Variants in FCSK observed in about 807,000 individuals in gnomAD.
FCSK encodes fucose kinase.
A neutral mutation model predicts 122.5 loss-of-function variants in FCSK; 123 were observed. The ratio of observed to expected loss-of-function variants is 1.00; its 90% CI spans 0.87 to 1.17. The LOEUF (loss-of-function observed/expected upper bound fraction) is 1.17. Among genes scored for constraint, FCSK ranks in the 50% most tolerant of loss-of-function variants. The pLI is 0.00. For synonymous variants in FCSK, 620 were observed against 625.5 expected (o/e 0.99, Z 0.13); for missense variants, 1,366 against 1,450.4 (o/e 0.94, Z 0.95).
rs1400607861 is a variant in FCSK at position 70,467,298 on chromosome 16, C to G, written c.485-76C>G. On this transcript the variant is annotated intron_variant, in intron 6 of 23. Coordinates refer to ENST00000288078, the MANE Select transcript of FCSK (RefSeq NM_145059.3). ...TGCCCAGGTGCCGCAGCCCTGGGCT[C>G]TTGCTTCCACCTGGTGGGGAAATCC... is the stretch of plus-strand genomic sequence containing the variant. The G allele has an allele frequency of 6.5e-6, 7 of 1,071,610 alleles. No homozygotes were observed. The East Asian group carries it at 1.8e-4, about 28-fold the overall frequency. The allele number at this position is 1,071,610 out of a possible 1,614,324, so 66.4% of individuals were successfully genotyped here.
intron 10 of FCSK, among the ~76,000 whole-genome samples, chr16:70,469,613 G>C (rs1319410756): frequency 6.6e-6 from 1 of 152,128 alleles, no homozygotes; most frequent in Non-Finnish European, 1.5e-5. Flanking sequence ...GAGTGAGGTG[G>C]TGCGATCTCA....
At chr16:70,468,762 G>A (rs908949591) in intron 8 of FCSK, 87 bp from the exon 9 acceptor site, 2 of 1,528,614 alleles carry the variant, frequency 1.3e-6, no homozygotes, top group African/African-American at 2.7e-5. Flanking sequence ...TCAGCTTCAT[G>A]TGGCCCATCT....
At position 70,466,905 on chromosome 16, in the gene FCSK, C is replaced by T. The variant is rs771188492; in HGVS notation, c.435C>T (p.Gly145=). The T allele has an allele frequency of 8.1e-6, 13 of 1,613,724 alleles. No homozygotes were observed. The highest frequency in any genetic ancestry group is 6.6e-5 in the South Asian group (6 of 91,084). The change falls in exon 6 of 24, where the codon GGC becomes GGT. Residue 145 remains glycine, a synonymous_variant. Transcript: ENST00000288078. ...TYRLGPGSPP[G]VWVCSTDMLL... ...AGCTGGGCCCGGGCTCCCCGCCAGG[C>T]GTGTGGGTCTGCAGCACCGACATGC...
rs200559563 is a variant in FCSK, at chr16:70,471,310, G to A, written c.1299G>A (p.Pro433=). 117 of 1,600,618 alleles carry A rather than the reference G, an allele frequency of 7.3e-5. No homozygotes were observed. The highest frequency in any genetic ancestry group is 5.0e-4 in the Middle Eastern group (3 of 6,022). ...QGHHTRLHGS[P]GHAFTLVGRL... ...ACCACACGCGGCTACACGGCTCCCC[G>A]GGCCACGCCTTCACCCTCGTTGGCC... The change falls in exon 13 of 24, where the codon CCG becomes CCA. Residue 433 remains proline, a synonymous_variant. Transcript: ENST00000288078.
In FCSK at chr16:70,475,703, C is replaced by A; in HGVS notation, c.2577C>A (p.Gly859=). The stretch of plus-strand genomic sequence containing the variant: ...TGGCTGCCTTGCAGCGAGCCGCAGG[C>A]CGGGTGGTGGGCACGGAAGCCCTGA... ...TALAALQRAA[G]RVVGTEALIH... is the part of the protein sequence containing the mutation. The change falls in exon 20 of 24, where the codon GGC becomes GGA. Residue 859 remains glycine (G), a synonymous_variant. Coordinates refer to ENST00000288078, the MANE Select transcript of FCSK (RefSeq NM_145059.3). 6.2e-7 allele frequency: 1 copy of A among 1,602,822 alleles called. No individual in the cohort carries two copies. Among genetic ancestry groups the A allele is most frequent in the Non-Finnish European group, 8.5e-7 (1 of 1,175,032 alleles).
intron 1 of FCSK, among the ~76,000 whole-genome samples, chr16:70,461,868 C>T (rs150818960): frequency 6.6e-6 from 1 of 152,370 alleles, no homozygotes; most frequent in East Asian, 1.9e-4. Flanking sequence ...AGCCATCCGC[C>T]TTGGTGTCCA....
rs143477929 is a variant in FCSK, at chr16:70,478,147, T to C, written c.2642-125T>C. ...ACAGAAGCTGCATAGCTCACTGTCC[T>C]GTGGAGTTGAGGGAAGCTATCTTTC... On this transcript the variant is annotated intron_variant, in intron 20 of 23. Transcript: ENST00000288078. The C allele has an allele frequency of 4.7e-6, 4 of 855,078 alleles. No homozygotes were observed. In the East Asian group the frequency reaches 1.1e-4, roughly 23 times the overall value. 53.0% of individuals were successfully genotyped at this position (855,078 alleles called of 1,614,324 possible).
chr16:70,458,464 A>G (rs1048456373), intron 1 of FCSK, among the ~76,000 whole-genome samples: 4 of 147,520 alleles, frequency 2.7e-5, no homozygotes, highest in African/African-American at 7.5e-5. Flanking sequence ...CCGGCCTATT[A>G]ATTTTAATTT....
At chr16:70,455,431 G>C (rs1206390689) in intron 1 of FCSK, among the ~76,000 whole-genome samples, 1 of 151,988 alleles carries the variant, frequency 6.6e-6, no homozygotes, top group Non-Finnish European at 1.5e-5. Flanking sequence ...GTTGCAGTGA[G>C]CCAAGATCAC....
chr16:70,464,991 A>T, intron 3 of FCSK, 135 bp from the exon 4 acceptor site: 1 of 1,546,036 alleles, frequency 6.5e-7, no homozygotes, highest in Non-Finnish European at 8.8e-7. Flanking sequence ...GCCTGTGGCC[A>T]TTGGTTTGAC....
Position 70,463,627 on chromosome 16 carries a change from G to A in FCSK, c.87G>A (p.Leu29=), listed in dbSNP as rs753752470. 1 of 1,613,594 alleles carries A rather than the reference G, an allele frequency of 6.2e-7. No homozygotes were observed. The highest frequency in any genetic ancestry group is 2.2e-5 in the East Asian group (1 of 44,884). The part of the protein sequence containing the change: ...KDSVQVFQRE[L]EVRQKREQIP... ...CAGTGTCTCTTCTGACCCTAGAACT[G>A]GAAGTGCGGCAGAAGCGGGAGCAGA... Residue 29 remains leucine, a synonymous_variant, in exon 3 of 24, where the codon CTG becomes CTA. Transcript: ENST00000288078.
chr16:70,455,950 A>G (rs1457039666), intron 1 of FCSK, among the ~76,000 whole-genome samples: 1 of 151,988 alleles, frequency 6.6e-6, no homozygotes, highest in Non-Finnish European at 1.5e-5. Context: ...AGGAAGGCCA[A>G]GGCGGGAGGA....
intron 1 of FCSK, among the ~76,000 whole-genome samples, chr16:70,456,086 C>T (rs2048087243): frequency 2.0e-5 from 3 of 152,120 alleles, no homozygotes; most frequent in Non-Finnish European, 4.4e-5. Flanking sequence ...ATGGGAGGAT[C>T]GCTGGAGCCC....
intron 1 of FCSK, 103 bp from the exon 2 acceptor site, chr16:70,463,066 G>C: frequency 1.5e-6 from 1 of 674,342 alleles, no homozygotes; most frequent in Non-Finnish European, 2.4e-6. Flanking sequence ...ATACCAACAC[G>C]AATCTATACA....
chr16:70,471,332 G>A lies in FCSK; in HGVS notation c.1321G>A (p.Gly441Ser). 6.3e-7 allele frequency: 1 copy of A among 1,592,198 alleles called. No homozygotes were observed. Among genetic ancestry groups the A allele is most frequent in the East Asian group, 2.3e-5 (1 of 44,134 alleles). Reference protein sequence around the residue: ...GSPGHAFTLVGRLDSWERQGA... With the variant: ...GSPGHAFTLVSRLDSWERQGA... ...CCCGGGCCACGCCTTCACCCTCGTT[G>A]GCCGTCTGGACAGCTGGGAGGTAGG... The change falls in exon 13 of 24, where the codon GGC becomes AGC. Residue 441 changes from glycine to serine, a missense_variant. Physicochemically the swap from Gly to Ser is moderately conservative, Grantham distance 56. Coordinates refer to ENST00000288078, the MANE Select transcript of FCSK (RefSeq NM_145059.3).
intron 3 of FCSK, 184 bp from the exon 4 acceptor site, chr16:70,464,942 G>T: frequency 2.3e-6 from 3 of 1,320,574 alleles, no homozygotes; most frequent in Non-Finnish European, 3.1e-6. Flanking sequence ...AGGGCCCTGG[G>T]ATCCCTTATC....
chr16:70,474,646 C>G lies in FCSK; in HGVS notation c.2107C>G (p.Pro703Ala), dbSNP rs761660246. 6.3e-7 allele frequency: 1 copy of G among 1,598,620 alleles called. No individual in the cohort carries two copies. The highest frequency in any genetic ancestry group is 1.1e-5 in the South Asian group (1 of 88,154). Residue 703 changes from proline (P) to alanine (A), a missense_variant, in exon 17 of 24, where the codon CCT becomes GCT. Pro to Ala is a conservative substitution (Grantham distance 27). Transcript: ENST00000288078. ...CACAGAGCAGGTGGAACTGCCGGGA[C>G]CTGGGCAGTGGGTGGTGGCTGAGTG... Reference protein sequence around the residue: ...VSTEQVELPGPGQWVVAECPA... With the variant: ...VSTEQVELPGAGQWVVAECPA...
At chr16:70,474,018 C>T (rs1458603581) in intron 15 of FCSK, 111 bp from the exon 16 acceptor site, 6 of 975,756 alleles carry the variant, frequency 6.1e-6, no homozygotes, top group Non-Finnish European at 9.2e-6. Context: ...GGGCAAAAGC[C>T]AGGAGGTGTG....
Position 70,475,407 on chromosome 16 carries a change from T to C in FCSK, c.2435T>C (p.Leu812Pro). The change falls in exon 19 of 24, where the codon CTC becomes CCC. Residue 812 changes from leucine to proline, a missense_variant. Physicochemically the swap from Leu to Pro is moderately conservative, Grantham distance 98. Coordinates refer to ENST00000288078, the MANE Select transcript of FCSK (RefSeq NM_145059.3). ...GGGATCGTGCATGTCCACTCGGAACTCCAGCTGAGTGAGCAGCTGCTCCGC... is the reference window on the plus strand; with the variant it reads ...GGGATCGTGCATGTCCACTCGGAACCCCAGCTGAGTGAGCAGCTGCTCCGC... Reference protein sequence around the residue: ...CAGIVHVHSELQLSEQLLRTF... With the variant: ...CAGIVHVHSEPQLSEQLLRTF... The C allele has an allele frequency of 6.2e-7, 1 of 1,610,052 alleles. No individual in the cohort carries two copies.
Sources: allele counts gnomAD v4.1 joint callset (sites outside exome capture counted in the v4.1 genomes callset), GRCh38; gene constraint gnomAD v4.1.1; transcripts MANE v1.5; gene names NCBI Gene and HGNC (gene_info 2026-07-23, HGNC 2026-07-21).